FBXO27: variants seen among roughly 807,000 people sequenced by gnomAD.
The protein encoded by FBXO27 is F-box only protein 27.
FBXO27 carries 28 observed loss-of-function variants against 28.3 expected under a neutral mutation model. The observed-to-expected ratio is 0.99, with a 90% confidence interval of 0.73 to 1.36. The LOEUF is 1.36. FBXO27 is among the 40% of genes most tolerant of loss of function. The pLI is 0.00. For missense variants in FBXO27, 388 were observed against 394.1 expected, an observed-to-expected ratio of 0.98 and a Z score of 0.13; for synonymous variants, 175 against 167.3, an observed-to-expected ratio of 1.05 and a Z score of -0.36.
At chr19:39,026,184 C>T (rs997871188) in intron 5 of FBXO27, among the ~76,000 whole-genome samples, 1 of 152,110 alleles carries the variant, frequency 6.6e-6, no homozygotes, top group African/African-American at 2.4e-5. Context: ...GAACCCTCCT[C>T]CCTGAGCAAC....
chr19:39,023,923 T>C (rs980546100), downstream of FBXO27: 2 of 152,034 alleles, frequency 1.3e-5, no homozygotes, highest in South Asian at 2.1e-4. Flanking sequence ...CCTCAGCTAG[T>C]GTTTGCTTTC....
At chr19:39,008,019 T>C (rs113400735) in intron 2 of FBXO27, among the ~76,000 whole-genome samples, 1 of 152,096 alleles carries the variant, frequency 6.6e-6, no homozygotes, top group South Asian at 2.1e-4. Flanking sequence ...ATCCTAGCAA[T>C]TTGGGAGGCT....
intron 1 of FBXO27, among the ~76,000 whole-genome samples, chr19:39,017,407 G>A (rs10419128): frequency 0.028 from 4,231 of 152,164 alleles, 206 homozygotes; most frequent in African/African-American, 0.096. Context: ...AAAATCATAC[G>A]TTTAGGCCAG....
At chr19:39,019,147 G>A (rs1315227093), downstream of FBXO27, among the ~76,000 whole-genome samples, 11 of 147,096 alleles carry the variant, frequency 7.5e-5, no homozygotes, top group East Asian at 2.1e-4. Context: ...CATACTTGCC[G>A]AGCACGGTAG....
chr19:39,023,157 TCGAA>T (rs2072853651), downstream of FBXO27, among the ~76,000 whole-genome samples: 1 of 152,092 alleles, frequency 6.6e-6, no homozygotes, highest in Non-Finnish European at 1.5e-5. Context: ...TAGCCTGGTC[TCGAA>T]CTGACCTCAA....
At chr19:39,008,537 T>C (rs1292903080) in intron 2 of FBXO27, among the ~76,000 whole-genome samples, 1 of 152,158 alleles carries the variant, frequency 6.6e-6, no homozygotes, top group African/African-American at 2.4e-5. Context: ...TTTTAGCCAT[T>C]TAAAAATGTA....
downstream of FBXO27, among the ~76,000 whole-genome samples, chr19:39,022,226 G>A (rs1434224227): frequency 7.0e-6 from 1 of 142,492 alleles, no homozygotes; most frequent in Non-Finnish European, 1.5e-5. Context: ...TCTCAATATC[G>A]GGGGCTCCAG....
chr19:39,010,445 G>T (rs1353749856), intron 2 of FBXO27, among the ~76,000 whole-genome samples: 1 of 152,102 alleles, frequency 6.6e-6, no homozygotes, highest in Non-Finnish European at 1.5e-5. Context: ...CTGGACTCTC[G>T]ATTCTATTCC....
downstream of FBXO27, among the ~76,000 whole-genome samples, chr19:39,022,964 A>ATTT (rs998919143): frequency 6.9e-6 from 1 of 145,440 alleles, no homozygotes; most frequent in Non-Finnish European, 1.5e-5. Flanking sequence ...TGCCTGGCTA[A>ATTT]TTTTTTTTTT....
At chr19:39,026,403 G>C (rs918170628) in intron 5 of FBXO27, among the ~76,000 whole-genome samples, 1 of 152,184 alleles carries the variant, frequency 6.6e-6, no homozygotes, top group African/African-American at 2.4e-5. Flanking sequence ...TGAAAGACAG[G>C]AGCCAGAACT....
intron 2 of FBXO27, 57 bp downstream of exon 2, chr19:39,031,807 C>G: frequency 7.0e-7 from 1 of 1,419,118 alleles, no homozygotes; most frequent in Non-Finnish European, 9.1e-7. Flanking sequence ...CCCCTCCGGC[C>G]CCGCTACCGC....
chr19:39,025,284 T>C lies in FBXO27; in HGVS notation c.*127A>G. ...GACAGGGCCCGTCAGGGCCTTTGAT[T>C]GGACCCAGGAATTCTCAGTATGCCA... is the stretch of plus-strand genomic sequence containing the variant. On this transcript the variant is annotated 3_prime_UTR_variant, in exon 6 of 6. Transcript: ENST00000292853. 1 of 1,323,300 alleles carries C rather than the reference T, an allele frequency of 7.6e-7. No individual in the cohort carries two copies. The highest frequency in any genetic ancestry group is 2.4e-5 in the East Asian group (1 of 42,372). 82.0% of individuals were successfully genotyped at this position (1,323,300 alleles called of 1,614,324 possible).
At chr19:39,015,916 A>G (rs1215631485) in intron 1 of FBXO27, among the ~76,000 whole-genome samples, 1 of 152,000 alleles carries the variant, frequency 6.6e-6, no homozygotes, top group Non-Finnish European at 1.5e-5. Context: ...CTAAAAATAC[A>G]AAAAAATTAG....
chr19:39,023,623 TTTTAA>T (rs1441759646), downstream of FBXO27, among the ~76,000 whole-genome samples: 1 of 152,076 alleles, frequency 6.6e-6, no homozygotes, highest in Non-Finnish European at 1.5e-5. Context: ...TTTTTTTTTT[TTTTAA>T]TTTGAGACGG....
downstream of FBXO27, among the ~76,000 whole-genome samples, chr19:39,023,857 C>T (rs995187714): frequency 1.1e-4 from 16 of 152,014 alleles, no homozygotes; most frequent in Admixed American, 9.2e-4. Context: ...TCAAGTGATC[C>T]GCCCACCTCG....
At chr19:39,019,862 C>T (rs1387377194), downstream of FBXO27, among the ~76,000 whole-genome samples, 5 of 152,090 alleles carry the variant, frequency 3.3e-5, no homozygotes. Context: ...AGCGATTCTA[C>T]TGCCTCAGTC....
In FBXO27 at chr19:39,032,211, G is replaced by A; in HGVS notation, c.17C>T (p.Ser6Phe). The change falls in exon 2 of 6, where the codon TCC becomes TTC. Residue 6 changes from serine (S) to phenylalanine (F), a missense_variant. Coordinates refer to ENST00000292853, the MANE Select transcript of FBXO27 (RefSeq NM_178820.5). This position sits in a 1 kb window ranked among gnomAD's most constrained non-coding sequence, Gnocchi z 4.7. The part of the protein sequence containing the change: MGASV[S>F]RGRAARVPAP... Reference sequence around the variant, plus strand: ...GGGGACCCGGGCGGCCCGGCCCCTGGAGACCGAGGCGCCCATGGTCCCCCC... The same window carrying A: ...GGGGACCCGGGCGGCCCGGCCCCTGAAGACCGAGGCGCCCATGGTCCCCCC... The A allele has an allele frequency of 6.9e-7, 1 of 1,456,740 alleles. No individual in the cohort carries two copies. Among genetic ancestry groups the A allele is most frequent in the South Asian group, 1.4e-5 (1 of 71,114 alleles). The allele number at this position is 1,456,740 out of a possible 1,614,324, so 90.2% of individuals were successfully genotyped here.
intron 1 of FBXO27, among the ~76,000 whole-genome samples, chr19:39,015,686 A>G (rs1050948261): frequency 1.3e-5 from 2 of 152,150 alleles, no homozygotes; most frequent in Non-Finnish European, 2.9e-5. Context: ...ACTACATATC[A>G]CTAAGTAAGA....
At chr19:39,026,509 C>T (rs1016080195) in intron 5 of FBXO27, among the ~76,000 whole-genome samples, 2 of 152,108 alleles carry the variant, frequency 1.3e-5, no homozygotes, top group Non-Finnish European at 2.9e-5. Flanking sequence ...GAGTCTCGCC[C>T]CGTCACCCAG....
Sources: allele counts gnomAD v4.1 joint callset (sites outside exome capture counted in the v4.1 genomes callset), GRCh38; gene constraint gnomAD v4.1.1; non-coding constraint Gnocchi (gnomAD v3.1); transcripts MANE v1.5; gene names NCBI Gene and HGNC (gene_info 2026-07-23, HGNC 2026-07-21).